Variants in SIMC1 observed in about 807,000 individuals in gnomAD.
SIMC1 encodes the protein SUMO-interacting motif-containing protein 1.
SIMC1 carries 55 observed loss-of-function variants against 82.3 expected under a neutral mutation model. The ratio of observed to expected loss-of-function variants is 0.67; its 90% CI spans 0.54 to 0.84. SIMC1 has a LOEUF of 0.84. SIMC1 is among the 40% of genes least tolerant of loss of function. The pLI is 0.00. For missense variants in SIMC1, 915 were observed against 1,107.2 expected (o/e 0.83, Z 2.46); for synonymous variants, 353 against 426.3 (o/e 0.83, Z 2.12).
At chr5:176,308,846 A>G in intron 4 of SIMC1, 3 of 1,249,366 alleles carry the variant, frequency 2.4e-6, no homozygotes, top group Non-Finnish European at 3.5e-6. Flanking sequence ...CATAACCAAG[A>G]TCCATAATGG....
chr5:176,285,433 A>T (rs1396628364), intron 1 of SIMC1, among the ~76,000 whole-genome samples: 1 of 152,240 alleles, frequency 6.6e-6, no homozygotes, highest in Non-Finnish European at 1.5e-5. Flanking sequence ...GACAAAATTC[A>T]ACAGCACTTC....
chr5:176,308,675 G>A lies in SIMC1; in HGVS notation c.1735-5016G>A, dbSNP rs1457254459. On this transcript the variant is annotated intron_variant, in intron 4 of 9. Coordinates refer to ENST00000429602, the MANE Select transcript of SIMC1 (RefSeq NM_001308195.2). ...AGCACATCTCCATTGAGGGCCAGAA[G>A]GAAGAGGAAAGGTATGAGAGAATCG... 2.6e-6 allele frequency: 4 copies of A among 1,561,844 alleles called. No homozygotes were observed. The East Asian group carries it at 9.0e-5, about 35-fold the overall frequency.
intron 9 of SIMC1, among the ~76,000 whole-genome samples, chr5:176,343,211 A>C (rs1272849871): frequency 6.6e-6 from 1 of 152,250 alleles, no homozygotes; most frequent in African/African-American, 2.4e-5. Context: ...ATGTAACCTG[A>C]TATACCACTT....
chr5:176,329,847 G>A (rs1249049761), intron 7 of SIMC1, among the ~76,000 whole-genome samples: 3 of 152,210 alleles, frequency 2.0e-5, no homozygotes, highest in Non-Finnish European at 4.4e-5. Context: ...AAGGGGAAAG[G>A]ATAGAATGAA....
chr5:176,317,005 G>C (rs897859079), intron 5 of SIMC1, among the ~76,000 whole-genome samples: 1 of 152,116 alleles, frequency 6.6e-6, no homozygotes, highest in Admixed American at 6.6e-5. Context: ...CAACAACAAA[G>C]ATAGGCATTT....
At chr5:176,277,474 T>G (rs1762764796) in intron 1 of SIMC1, among the ~76,000 whole-genome samples, 1 of 151,904 alleles carries the variant, frequency 6.6e-6, no homozygotes, top group Non-Finnish European at 1.5e-5. Context: ...TTGTCAATTT[T>G]GGCTTTTGTT....
chr5:176,280,160 G>A (rs1413340962), intron 1 of SIMC1, among the ~76,000 whole-genome samples: 2 of 152,150 alleles, frequency 1.3e-5, no homozygotes, highest in African/African-American at 4.8e-5. Flanking sequence ...GGGTGCTCCT[G>A]TATTGGGTGT....
intron 7 of SIMC1, among the ~76,000 whole-genome samples, chr5:176,326,328 T>C (rs76960720): frequency 0.017 from 2,528 of 152,208 alleles, 39 homozygotes; most frequent in South Asian, 0.062. Flanking sequence ...AGACATTTAC[T>C]GAGTCCCTAC....
chr5:176,345,060 C>T (rs755394049), intron 9 of SIMC1, 123 bp from the exon 10 acceptor site: 299 of 1,294,504 alleles, frequency 2.3e-4, no homozygotes, highest in Non-Finnish European at 3.1e-4. Context: ...ACACAGCCTT[C>T]GACTTGTATC....
In SIMC1 at chr5:176,313,732, C is replaced by G. The variant is rs368854039; in HGVS notation, c.1776C>G (p.Val592=). The change falls in exon 5 of 10, where the codon GTC becomes GTG. Residue 592 remains valine (V), a synonymous_variant. Coordinates refer to ENST00000429602, the MANE Select transcript of SIMC1 (RefSeq NM_001308195.2). ...GGCGAGTCCTTTTCCTGCGTTATGT[C>G]GTTCAGACCCTAGAAGATGACTTTC... ...LPGRVLFLRY[V]VQTLEDDFQQ... The G allele has an allele frequency of 3.7e-6, 6 of 1,613,820 alleles. No individual in the cohort carries two copies. Among genetic ancestry groups the G allele is most frequent in the Non-Finnish European group, 3.4e-6 (4 of 1,179,880 alleles).
intron 7 of SIMC1, among the ~76,000 whole-genome samples, chr5:176,329,864 G>C (rs1458318590): frequency 6.6e-6 from 1 of 152,126 alleles, no homozygotes; most frequent in African/African-American, 2.4e-5. Context: ...TGAACCCTGT[G>C]GTACTGGATT....
Position 176,306,029 on chromosome 5 carries a change from G to A in SIMC1, c.1735-7662G>A, listed in dbSNP as rs1302557495. On this transcript the variant is annotated intron_variant, in intron 4 of 9. Coordinates refer to ENST00000429602, the MANE Select transcript of SIMC1 (RefSeq NM_001308195.2). ...GGCCAGCCGCCCCGTCCGGGAGGGA[G>A]GTTGGGGGGGGTCAGCCCCCCCGCC... Among the ~76,000 whole-genome samples, 33 of 66,312 alleles carry A rather than the reference G, an allele frequency of 5.0e-4. 7 individuals carry two copies. Among genetic ancestry groups the A allele is most frequent in the Admixed American group, 4.1e-3 (33 of 7,976 alleles). The allele number at this position is 66,312 out of a possible 152,430, so 43.5% of individuals were successfully genotyped here.
intron 1 of SIMC1, among the ~76,000 whole-genome samples, chr5:176,281,004 T>G (rs893631792): frequency 6.6e-6 from 1 of 152,268 alleles, no homozygotes; most frequent in Non-Finnish European, 1.5e-5. Flanking sequence ...GAAGTTCTCC[T>G]GGATGATATC....
At chr5:176,305,815 G>T (rs1467644919) in intron 4 of SIMC1, among the ~76,000 whole-genome samples, 1 of 60,206 alleles carries the variant, frequency 1.7e-5, no homozygotes, top group Non-Finnish European at 3.5e-5. Context: ...GGGGGCGTCA[G>T]CCCCCCGCCC....
intron 1 of SIMC1, among the ~76,000 whole-genome samples, chr5:176,260,767 CAGA>C (rs1761987518): frequency 6.6e-6 from 1 of 152,106 alleles, no homozygotes; most frequent in Non-Finnish European, 1.5e-5. Flanking sequence ...TAGGAGTGTA[CAGA>C]ACTCCCACCT....
intron 7 of SIMC1, among the ~76,000 whole-genome samples, chr5:176,331,576 A>T (rs1016488935): frequency 1.3e-5 from 2 of 150,044 alleles, no homozygotes; most frequent in Non-Finnish European, 3.0e-5. Flanking sequence ...TGGCCTCCCA[A>T]AGTGCTGGGA....
intron 7 of SIMC1, among the ~76,000 whole-genome samples, chr5:176,335,859 A>T (rs13181202): frequency 0.53 from 80,692 of 151,774 alleles, 21,633 homozygotes; most frequent in Non-Finnish European, 0.58. Flanking sequence ...CCCTGACAAC[A>T]TAGTGAGACC....
chr5:176,305,720 C>T (rs1160864564), intron 4 of SIMC1, among the ~76,000 whole-genome samples: 93 of 85,138 alleles, frequency 1.1e-3, no homozygotes, highest in Non-Finnish European at 1.8e-3. Flanking sequence ...GGGGTCAGCC[C>T]CCCGCCCGGC....
At chr5:176,284,718 CA>C (rs1763185522) in intron 1 of SIMC1, among the ~76,000 whole-genome samples, 1 of 151,828 alleles carries the variant, frequency 6.6e-6, no homozygotes, top group African/African-American at 2.4e-5. Flanking sequence ...AAAAGCCCTT[CA>C]AAAAATCAAT....
Sources: gnomAD v4.1 joint callset for allele counts (sites outside exome capture counted in the v4.1 genomes callset) on GRCh38, gnomAD v4.1.1 for gene constraint, MANE v1.5 for transcripts, NCBI Gene and HGNC (gene_info 2026-07-23, HGNC 2026-07-21) for gene names.